Variants in ERBB4 observed in about 807,000 individuals in gnomAD.
ERBB4 encodes erb-b2 receptor tyrosine kinase 4.
In ERBB4, 42 loss-of-function variants were observed where a neutral mutation model predicts 158.0. The observed-to-expected ratio is 0.27, with a 90% confidence interval of 0.21 to 0.34. ERBB4 has a LOEUF of 0.34. ERBB4 is among the 10% of genes least tolerant of loss of function. The pLI is 1.00. For missense variants in ERBB4, 1,333 were observed against 1,624.1 expected (o/e 0.82, Z 3.08); for synonymous variants, 583 against 558.7 (o/e 1.04, Z -0.61).
Position 211,587,725 on chromosome 2 carries a change from G to T in ERBB4, c.2302-25637C>A, listed in dbSNP as rs559644040. Among the ~76,000 whole-genome samples, 7 of 152,076 alleles carry T rather than the reference G, an allele frequency of 4.6e-5. No individual in the cohort carries two copies. The South Asian group carries it at 1.5e-3, about 32-fold the overall frequency. ...TAAGATTTGATAATGACCTATCCTC[G>T]ATAGGCCACGAGGAAACAAATGCTG... is the stretch of plus-strand genomic sequence containing the variant. On this transcript the variant is annotated intron_variant, in intron 19 of 27. Transcript: ENST00000342788.
chr2:212,092,572 T>A (rs1317221925), intron 2 of ERBB4, among the ~76,000 whole-genome samples: 2 of 152,198 alleles, frequency 1.3e-5, no homozygotes, highest in African/African-American at 4.8e-5. Context: ...AATAGAATTT[T>A]AAAATATATT....
At chr2:212,436,748 A>T (rs569540604) in intron 1 of ERBB4, among the ~76,000 whole-genome samples, 2 of 152,084 alleles carry the variant, frequency 1.3e-5, no homozygotes, top group Non-Finnish European at 2.9e-5. Flanking sequence ...TAAACCTTCA[A>T]ACAGTAATCC....
At chr2:211,784,461 A>G (rs961910774) in intron 4 of ERBB4, among the ~76,000 whole-genome samples, 4 of 152,142 alleles carry the variant, frequency 2.6e-5, no homozygotes, top group South Asian at 2.1e-4. Flanking sequence ...ATAATATTTC[A>G]TCATTGTATG....
At chr2:211,786,036 G>A (rs1338988174) in intron 4 of ERBB4, among the ~76,000 whole-genome samples, 2 of 152,136 alleles carry the variant, frequency 1.3e-5, no homozygotes, top group African/African-American at 4.8e-5. Flanking sequence ...TTAGACAGAT[G>A]AAGTCTTGAA....
intron 13 of ERBB4, among the ~76,000 whole-genome samples, chr2:211,678,836 G>A (rs895678095): frequency 1.8e-4 from 28 of 151,660 alleles, no homozygotes; most frequent in African/African-American, 6.5e-4. Flanking sequence ...GCATGGTGGC[G>A]GGCGCCTGTA....
chr2:211,610,123 A>T (rs796085260), intron 19 of ERBB4, among the ~76,000 whole-genome samples: 47 of 152,210 alleles, frequency 3.1e-4, no homozygotes, highest in African/African-American at 1.1e-3. Context: ...GATGAAGAGA[A>T]TTTTTATCTT....
intron 1 of ERBB4, among the ~76,000 whole-genome samples, chr2:212,351,562 C>T (rs182941130): frequency 4.6e-5 from 7 of 152,176 alleles, no homozygotes; most frequent in Middle Eastern, 3.4e-3. Context: ...AGTTTTTAAG[C>T]AGTGCTGTGC....
chr2:212,533,821 C>T (rs1692885679), intron 1 of ERBB4, among the ~76,000 whole-genome samples: 1 of 152,100 alleles, frequency 6.6e-6, no homozygotes, highest in South Asian at 2.1e-4. Context: ...TTAAATTCTA[C>T]CCTGCACAGG....
chr2:211,489,259 T>G (rs1259846555), intron 20 of ERBB4, among the ~76,000 whole-genome samples: 2 of 152,032 alleles, frequency 1.3e-5, no homozygotes, highest in African/African-American at 4.8e-5. Context: ...GTTTTCTAAC[T>G]GCAACAGTTC....
intron 2 of ERBB4, among the ~76,000 whole-genome samples, chr2:212,073,516 AG>A (rs1411086989): frequency 2.0e-5 from 3 of 151,980 alleles, no homozygotes; most frequent in Non-Finnish European, 2.9e-5. Flanking sequence ...AAAGCAGCCC[AG>A]GTAGCTAGTC....
chr2:211,439,351 A>G (rs1001102799), intron 20 of ERBB4, among the ~76,000 whole-genome samples: 7 of 152,116 alleles, frequency 4.6e-5, no homozygotes, highest in African/African-American at 1.7e-4. Context: ...AAGTGCCTCC[A>G]AAGGCACCAT....
intron 1 of ERBB4, among the ~76,000 whole-genome samples, chr2:212,165,390 A>G (rs752630685): frequency 6.6e-6 from 1 of 151,886 alleles, no homozygotes; most frequent in South Asian, 2.1e-4. Context: ...TCACTTCACC[A>G]TAATCCCAGC....
At chr2:211,564,310 G>A (rs546909522) in intron 19 of ERBB4, among the ~76,000 whole-genome samples, 11 of 152,164 alleles carry the variant, frequency 7.2e-5, no homozygotes, top group African/African-American at 9.6e-5. Context: ...TGTTTTCAGC[G>A]GGAATGCTTC....
chr2:212,421,456 G>A (rs538277009), intron 1 of ERBB4, among the ~76,000 whole-genome samples: 1 of 152,072 alleles, frequency 6.6e-6, no homozygotes, highest in Non-Finnish European at 1.5e-5. Flanking sequence ...CTTTTCTTAT[G>A]TCATCTAGTC....
chr2:212,505,516 AAC>A (rs1691145464), intron 1 of ERBB4, among the ~76,000 whole-genome samples: 1 of 149,340 alleles, frequency 6.7e-6, no homozygotes, highest in South Asian at 2.1e-4. Context: ...ATCATTGGGA[AAC>A]ACAGTCTTCC....
At chr2:211,959,910 G>A (rs997648974) in intron 2 of ERBB4, among the ~76,000 whole-genome samples, 2 of 152,060 alleles carry the variant, frequency 1.3e-5, no homozygotes, top group Non-Finnish European at 2.9e-5. Context: ...AAGATGCAAC[G>A]ATGGAACCAT....
chr2:211,975,274 C>G (rs368483733), intron 2 of ERBB4, among the ~76,000 whole-genome samples: 1 of 152,172 alleles, frequency 6.6e-6, no homozygotes, highest in Non-Finnish European at 1.5e-5. Context: ...GAGCCACCAC[C>G]GTGGCTCCCC....
At chr2:211,429,632 A>C (rs1349064129) in intron 21 of ERBB4, among the ~76,000 whole-genome samples, 1 of 152,232 alleles carries the variant, frequency 6.6e-6, no homozygotes, top group Admixed American at 6.5e-5. Context: ...TGAAAGCTTA[A>C]AACTAAATAG....
intron 4 of ERBB4, among the ~76,000 whole-genome samples, chr2:211,787,055 T>A (rs2076182401): frequency 6.6e-6 from 1 of 152,200 alleles, no homozygotes; most frequent in Admixed American, 6.5e-5. Flanking sequence ...ATATTTCCCA[T>A]TATATTATTA....
Sources: gnomAD v4.1 joint callset for allele counts (sites outside exome capture counted in the v4.1 genomes callset) on GRCh38, gnomAD v4.1.1 for gene constraint, MANE v1.5 for transcripts, NCBI Gene and HGNC (gene_info 2026-07-23, HGNC 2026-07-21) for gene names.